BMP1: variants seen among roughly 807,000 people sequenced by gnomAD.
BMP1 encodes the protein bone morphogenetic protein 1.
A neutral mutation model predicts 116.8 loss-of-function variants in BMP1; 63 were observed. That is an observed-to-expected ratio of 0.54 (90% CI 0.44 to 0.67). The LOEUF (loss-of-function observed/expected upper bound fraction) is 0.67, where lower values mean the gene tolerates loss of function less well. Among genes scored for constraint, BMP1 ranks in the 30% least tolerant of loss-of-function variants. BMP1 has a pLI of 0.00. For synonymous variants in BMP1, 536 were observed against 533.4 expected (o/e 1.00, Z -0.07); for missense variants, 1,183 against 1,358.9 (o/e 0.87, Z 2.04).
At chr8:22,195,743 C>A (rs1226078849) in intron 13 of BMP1, among the ~76,000 whole-genome samples, 156 bp downstream of exon 13, 1 of 152,184 alleles carries the variant, frequency 6.6e-6, no homozygotes, top group East Asian at 1.9e-4. Context: ...CATTCCTGGG[C>A]TCAAGCAATC....
At chr8:22,207,092 G>A (rs1829374381) in intron 17 of BMP1, 111 bp downstream of exon 17, 1 of 1,521,838 alleles carries the variant, frequency 6.6e-7, no homozygotes. Context: ...ATCCCCAGGA[G>A]ACCCCAAGTC....
chr8:22,178,789 C>T (rs1407295762), intron 6 of BMP1, among the ~76,000 whole-genome samples: 1 of 152,048 alleles, frequency 6.6e-6, no homozygotes, highest in South Asian at 2.1e-4. Context: ...TGGCACCTCC[C>T]TCCTCCTCAA....
chr8:22,166,898 C>T (rs1268836220), intron 1 of BMP1, among the ~76,000 whole-genome samples: 1 of 152,136 alleles, frequency 6.6e-6, no homozygotes, highest in East Asian at 1.9e-4. Flanking sequence ...TGAAGGCAGG[C>T]ACATCTAGCT....
intron 8 of BMP1, among the ~76,000 whole-genome samples, chr8:22,183,326 G>A (rs1281299713): frequency 6.6e-6 from 1 of 152,172 alleles, no homozygotes; most frequent in Non-Finnish European, 1.5e-5. Context: ...TGAGGTGGGA[G>A]GATTGCTTGA....
Position 22,194,563 on chromosome 8 carries a change from C to T in BMP1, c.1416C>T (p.His472=), listed in dbSNP as rs148614326. The T allele has an allele frequency of 5.7e-5, 92 of 1,614,074 alleles. No individual in the cohort carries two copies. Among genetic ancestry groups the T allele is most frequent in the Non-Finnish European group, 7.1e-5 (84 of 1,180,014 alleles). The part of the protein sequence containing the change: ...IWRIQVSEGF[H]VGLTFQSFEI... ...GGATCCAGGTGTCTGAGGGCTTCCA[C>T]GTGGGCCTCACATTCCAGTCCTTTG... The change falls in exon 11 of 20, where the codon CAC becomes CAT. Residue 472 remains histidine, a synonymous_variant. Transcript: ENST00000306385. This position sits in a 1 kb window ranked among gnomAD's most constrained non-coding sequence, Gnocchi z 4.5.
rs767140601 is a variant in BMP1 at position 22,207,001 on chromosome 8, C to A, written c.2361+20C>A. ...AAGCTGGTAAGGGGTCCCCTCCCCACTCCTTATGCGGTGTGGCTGCCCCCG... is the reference window on the plus strand; with the variant it reads ...AAGCTGGTAAGGGGTCCCCTCCCCAATCCTTATGCGGTGTGGCTGCCCCCG... On this transcript the variant is annotated intron_variant, in intron 17 of 19. Coordinates refer to ENST00000306385, the MANE Select transcript of BMP1 (RefSeq NM_006129.5). The A allele has an allele frequency of 4.2e-5, 68 of 1,613,348 alleles. No homozygotes were observed. Among genetic ancestry groups the A allele is most frequent in the South Asian group, 6.6e-5 (6 of 90,942 alleles).
At chr8:22,210,367 C>CTTTTTT (rs1198888155) in intron 19 of BMP1, among the ~76,000 whole-genome samples, 5 of 118,436 alleles carry the variant, frequency 4.2e-5, no homozygotes, top group Non-Finnish European at 6.9e-5. Context: ...GCCTCTTCTT[C>CTTTTTT]TTTTTTTTTT....
chr8:22,186,878 G>A (rs979104690), intron 8 of BMP1, among the ~76,000 whole-genome samples: 11 of 152,196 alleles, frequency 7.2e-5, no homozygotes, highest in Non-Finnish European at 1.5e-4. Flanking sequence ...CCTCATAAAG[G>A]TATGAGGATT....
chr8:22,193,759 G>A (rs1447943936), intron 9 of BMP1, among the ~76,000 whole-genome samples: 1 of 152,190 alleles, frequency 6.6e-6, no homozygotes, highest in African/African-American at 2.4e-5. Context: ...ACTCCAGCCT[G>A]GGTGACAGAG....
chr8:22,190,758 C>G (rs536187660), intron 8 of BMP1, among the ~76,000 whole-genome samples: 2 of 152,286 alleles, frequency 1.3e-5, no homozygotes, highest in South Asian at 4.1e-4. Context: ...CCAGTGCCCA[C>G]CTTGGAATCT....
At chr8:22,176,719 C>T in intron 4 of BMP1, 69 bp downstream of exon 4, 1 of 1,506,804 alleles carries the variant, frequency 6.6e-7, no homozygotes, top group Non-Finnish European at 9.2e-7. Flanking sequence ...CTGGGCCCTG[C>T]CACTGCCCCC....
intron 9 of BMP1, 27 bp downstream of exon 9, chr8:22,192,178 C>T (rs1563261761): frequency 6.9e-6 from 11 of 1,585,394 alleles, no homozygotes; most frequent in Non-Finnish European, 9.5e-6. Context: ...CCCCCTGCCC[C>T]CTCCATGCTG....
In BMP1 at chr8:22,194,605, C is replaced by T. The variant is rs1328886195; in HGVS notation, c.1443+15C>T. 6.2e-7 allele frequency: 1 copy of T among 1,613,590 alleles called. No homozygotes were observed. Among genetic ancestry groups the T allele is most frequent in the Non-Finnish European group, 8.5e-7 (1 of 1,179,656 alleles). Reference sequence around the variant, plus strand: ...AGTCCTTTGAGGTAGGTCAGTGGCCCTGTGATCTGACCTTTGAATCCAGCA... The same window carrying T: ...AGTCCTTTGAGGTAGGTCAGTGGCCTTGTGATCTGACCTTTGAATCCAGCA... On this transcript the variant is annotated intron_variant, in intron 11 of 19. Transcript: ENST00000306385. This position sits in a 1 kb window ranked among gnomAD's most constrained non-coding sequence, Gnocchi z 4.5.
intron 8 of BMP1, among the ~76,000 whole-genome samples, chr8:22,184,475 G>A (rs1359836857): frequency 6.6e-6 from 1 of 152,158 alleles, no homozygotes; most frequent in Non-Finnish European, 1.5e-5. Context: ...ATTAATCAAC[G>A]CATGGTTGTA....
At chr8:22,192,525 A>G (rs1025147598) in intron 9 of BMP1, among the ~76,000 whole-genome samples, 2 of 151,866 alleles carry the variant, frequency 1.3e-5, no homozygotes, top group Non-Finnish European at 2.9e-5. Context: ...AGGATCCACT[A>G]TTTTTTTCTA....
intron 19 of BMP1, among the ~76,000 whole-genome samples, chr8:22,209,983 G>A (rs1347266330): frequency 2.0e-5 from 3 of 152,256 alleles, no homozygotes. Context: ...GGCCTGGAGC[G>A]GATGGAGCTT....
chr8:22,202,544 C>G (rs1156634845), intron 16 of BMP1, among the ~76,000 whole-genome samples: 1 of 152,226 alleles, frequency 6.6e-6, no homozygotes, highest in Non-Finnish European at 1.5e-5. Flanking sequence ...TGAAGCCCTG[C>G]ACACATTTAA....
chr8:22,203,231 CTGTG>C (rs1329351114), intron 16 of BMP1, among the ~76,000 whole-genome samples: 1 of 152,090 alleles, frequency 6.6e-6, no homozygotes, highest in Non-Finnish European at 1.5e-5. Flanking sequence ...CTCAACCTCT[CTGTG>C]TTTCAGTTTC....
chr8:22,206,542 G>T (rs1446198589), intron 16 of BMP1, among the ~76,000 whole-genome samples: 1 of 151,458 alleles, frequency 6.6e-6, no homozygotes, highest in African/African-American at 2.4e-5. Flanking sequence ...AAATGGAGAG[G>T]CACAGGTGAT....
Sources: gnomAD v4.1 joint callset for allele counts (sites outside exome capture counted in the v4.1 genomes callset) on GRCh38, gnomAD v4.1.1 for gene constraint, Gnocchi (gnomAD v3.1) non-coding constraint, MANE v1.5 for transcripts, NCBI Gene and HGNC (gene_info 2026-07-23, HGNC 2026-07-21) for gene names.